The following TEX11 variants were observed in gnomAD, a reference collection of about 807,000 sequenced individuals.
The protein encoded by TEX11 is testis-expressed protein 11.
A neutral mutation model predicts 84.4 loss-of-function variants in TEX11; 7 were observed. The observed-to-expected ratio is 0.08, with a 90% CI of 0.05 to 0.16. The LOEUF (loss-of-function observed/expected upper bound fraction) is 0.16, where lower values mean the gene tolerates loss of function less well. TEX11 is among the 10% of genes least tolerant of loss of function. The pLI is 1.00. For missense variants in TEX11, 551 were observed against 660.5 expected (o/e 0.83, Z 1.82); for synonymous variants, 264 against 222.8 (o/e 1.18, Z -1.64).
rs192995581 is a variant in TEX11 at position 70,870,594 on chromosome X, C to G, written c.244+2629G>C. Among the ~76,000 whole-genome samples, 492 of 111,669 alleles carry G rather than the reference C, an allele frequency of 4.4e-3. 1 individual carries two copies. Among genetic ancestry groups the G allele is most frequent in the Non-Finnish European group, 7.3e-3 (386 of 53,104 alleles). ...TCGTGATCCACCTGCTTCAGCCTCCCAAAGTGCTGGGATTACAGGCGTGAG... is the reference window on the plus strand; with the variant it reads ...TCGTGATCCACCTGCTTCAGCCTCCGAAAGTGCTGGGATTACAGGCGTGAG... On this transcript the variant is annotated intron_variant, in intron 4 of 29. Coordinates refer to ENST00000374333, the MANE Select transcript of TEX11 (RefSeq NM_031276.3).
At chrX:70,651,660 G>T in intron 16 of TEX11, 108 bp from the exon 17 acceptor site, 1 of 471,080 alleles carries the variant, frequency 2.1e-6, no homozygotes, top group Non-Finnish European at 3.5e-6. Context: ...TACTCACAAT[G>T]AAAATATATG....
chrX:70,714,450 G>A lies in TEX11; in HGVS notation c.1004+8168C>T, dbSNP rs1482413735. Among the ~76,000 whole-genome samples, 3 of 111,294 alleles carry A rather than the reference G, an allele frequency of 2.7e-5. No individual in the cohort carries two copies. In the East Asian group the frequency reaches 8.4e-4, roughly 31 times the overall value. ...CTAAGTCTCTTTGTAGGTCTCCAAGGACTTGCTTTATGAATCTGGGTGCTC... is the reference window on the plus strand; with the variant it reads ...CTAAGTCTCTTTGTAGGTCTCCAAGAACTTGCTTTATGAATCTGGGTGCTC... On this transcript the variant is annotated intron_variant, in intron 13 of 29. Transcript: ENST00000374333.
chrX:70,695,927 A>T (rs1465860308), intron 13 of TEX11, among the ~76,000 whole-genome samples: 1 of 112,377 alleles, frequency 8.9e-6, no homozygotes, highest in Admixed American at 9.4e-5. Flanking sequence ...TATGGGGTAC[A>T]TAATTGATTC....
At chrX:70,735,925 C>T (rs1261298892) in intron 11 of TEX11, among the ~76,000 whole-genome samples, 1 of 111,553 alleles carries the variant, frequency 9.0e-6, no homozygotes, top group Non-Finnish European at 1.9e-5. Flanking sequence ...GTCTATTGAG[C>T]TCCTTTGCCT....
At chrX:70,778,946 A>G (rs1260240917) in intron 9 of TEX11, among the ~76,000 whole-genome samples, 1 of 110,989 alleles carries the variant, frequency 9.0e-6, no homozygotes, top group Non-Finnish European at 1.9e-5. Flanking sequence ...GAGGTGGCTC[A>G]TGCCTGCAAT....
chrX:70,531,756 T>C (rs778841314), intron 28 of TEX11, among the ~76,000 whole-genome samples: 17 of 111,763 alleles, frequency 1.5e-4, no homozygotes, highest in Non-Finnish European at 3.2e-4. Flanking sequence ...CTTTTGAATA[T>C]ACTATAACTC....
At chrX:70,525,263 T>C (rs936150316), downstream of TEX11, among the ~76,000 whole-genome samples, 61 of 110,982 alleles carry the variant, frequency 5.5e-4, no homozygotes, top group African/African-American at 1.9e-3. Flanking sequence ...TTAGAAGTTT[T>C]CATTCTTCTT....
intron 20 of TEX11, among the ~76,000 whole-genome samples, chrX:70,613,066 T>C: frequency 8.9e-6 from 1 of 111,765 alleles, no homozygotes; most frequent in Middle Eastern, 4.6e-3. Context: ...ACCCAGAATT[T>C]TGTACCTTGT....
At chrX:70,776,141 T>C (rs1390238925) in intron 9 of TEX11, among the ~76,000 whole-genome samples, 1 of 110,232 alleles carries the variant, frequency 9.1e-6, no homozygotes, top group Non-Finnish European at 1.9e-5. Context: ...AATTAGTATA[T>C]CAAAGGGATA....
intron 17 of TEX11, among the ~76,000 whole-genome samples, chrX:70,648,865 C>G (rs1426913896): frequency 1.8e-5 from 2 of 110,553 alleles, no homozygotes; most frequent in African/African-American, 6.6e-5. Flanking sequence ...GATGTTCTCC[C>G]TCCCCTCCCC....
At chrX:70,808,484 CAG>C (rs2147809810) in intron 8 of TEX11, among the ~76,000 whole-genome samples, 1 of 108,569 alleles carries the variant, frequency 9.2e-6, no homozygotes, top group East Asian at 2.9e-4. Context: ...GCCTGGGCAA[CAG>C]AGAGAGATTC....
At chrX:70,794,950 G>A (rs757452475) in intron 9 of TEX11, among the ~76,000 whole-genome samples, 1 of 107,921 alleles carries the variant, frequency 9.3e-6, no homozygotes, top group Non-Finnish European at 1.9e-5. Flanking sequence ...ACAAAAAAAA[G>A]GGGAAGATGA....
the TEX11 span, among the ~76,000 whole-genome samples, chrX:70,520,921 G>A: frequency 1.5e-4 from 17 of 112,207 alleles, no homozygotes; most frequent in Non-Finnish European, 1.9e-4. Context: ...GCAAAGCTCC[G>A]CGGGCATGGG....
At chrX:70,855,742 G>A (rs1264875752) in intron 5 of TEX11, among the ~76,000 whole-genome samples, 1 of 110,551 alleles carries the variant, frequency 9.0e-6, no homozygotes, top group Non-Finnish European at 1.9e-5. Flanking sequence ...CATCTGACTG[G>A]TATCTTTATA....
chrX:70,820,922 G>C (rs778900878), intron 8 of TEX11, among the ~76,000 whole-genome samples: 1 of 111,611 alleles, frequency 9.0e-6, no homozygotes, highest in African/African-American at 3.2e-5. Context: ...CAAGGGAAAA[G>C]CTTCTTGACA....
intron 14 of TEX11, among the ~76,000 whole-genome samples, chrX:70,682,334 G>A (rs902246629): frequency 9.0e-6 from 1 of 111,322 alleles, no homozygotes; most frequent in African/African-American, 3.3e-5. Flanking sequence ...AAAAATCAAG[G>A]TCCTTTGACT....
chrX:70,592,317 G>A (rs1318455383), intron 24 of TEX11, among the ~76,000 whole-genome samples: 1 of 111,499 alleles, frequency 9.0e-6, no homozygotes, highest in Non-Finnish European at 1.9e-5. Flanking sequence ...AGCTCAGTGT[G>A]ATGTAAGCAC....
intron 9 of TEX11, among the ~76,000 whole-genome samples, chrX:70,788,969 T>TAG (rs1368311539): frequency 1.4e-3 from 35 of 24,917 alleles, no homozygotes; most frequent in South Asian, 3.0e-3. Context: ...TATATATATA[T>TAG]ATATAGAGAG....
intron 16 of TEX11, among the ~76,000 whole-genome samples, chrX:70,652,818 C>A (rs1342356453): frequency 9.0e-6 from 1 of 110,931 alleles, no homozygotes; most frequent in Non-Finnish European, 1.9e-5. Flanking sequence ...AAATGCAGCA[C>A]AGAGCGATTA....
Sources: gnomAD v4.1 joint callset for allele counts (sites outside exome capture counted in the v4.1 genomes callset) on GRCh38, gnomAD v4.1.1 for gene constraint, MANE v1.5 for transcripts, NCBI Gene and HGNC (gene_info 2026-07-23, HGNC 2026-07-21) for gene names.